Variants in SYN3 observed in about 807,000 individuals in gnomAD.
The protein encoded by SYN3 is synapsin III.
SYN3 carries 35 observed loss-of-function variants against 65.8 expected under a neutral mutation model. The ratio of observed to expected loss-of-function variants is 0.53; its 90% confidence interval spans 0.41 to 0.70. SYN3 has a LOEUF of 0.70. Ranked by LOEUF, SYN3 falls within the 30% of genes least tolerant of loss-of-function variation. The pLI is 0.00. For missense variants in SYN3, 680 were observed against 749.0 expected (o/e 0.91, Z 1.08); for synonymous variants, 270 against 292.9 (o/e 0.92, Z 0.80).
chr22:32,799,215 G>A (rs1410606555), intron 6 of SYN3, among the ~76,000 whole-genome samples: 1 of 152,080 alleles, frequency 6.6e-6, no homozygotes, highest in Non-Finnish European at 1.5e-5. Context: ...GCCTTCACAC[G>A]GTGGGCAGAG....
intron 6 of SYN3, among the ~76,000 whole-genome samples, chr22:32,772,975 T>C (rs1163160892): frequency 1.3e-5 from 2 of 152,196 alleles, no homozygotes; most frequent in Non-Finnish European, 1.5e-5. Context: ...GCAAGCTAGA[T>C]AGTAAATATC....
At chr22:33,032,995 C>T (rs2053781300) in intron 1 of SYN3, among the ~76,000 whole-genome samples, 1 of 152,094 alleles carries the variant, frequency 6.6e-6, no homozygotes, top group Non-Finnish European at 1.5e-5. Flanking sequence ...GCCTAGGTCA[C>T]CCATGTGTGC....
At chr22:32,533,733 T>TC in intron 10 of SYN3, 60 bp downstream of exon 10, 1 of 1,206,106 alleles carries the variant, frequency 8.3e-7, no homozygotes, top group Non-Finnish European at 1.2e-6. Flanking sequence ...AGGGATTCCC[T>TC]CCCCCTGGCA....
intron 6 of SYN3, among the ~76,000 whole-genome samples, chr22:32,845,078 T>C (rs1279522632): frequency 6.6e-6 from 1 of 152,016 alleles, no homozygotes; most frequent in Non-Finnish European, 1.5e-5. Flanking sequence ...CAGATTCTCT[T>C]CCTAAGAGCA....
chr22:32,949,262 G>T lies in SYN3; in HGVS notation c.370-17781C>A, dbSNP rs145865178. ...ACCCTTATATCTTTTTAAAAAATTA[G>T]CCAGGCATGGTGGTGTGCACCTGTA... On this transcript the variant is annotated intron_variant, in intron 3 of 13. Coordinates refer to ENST00000358763, the MANE Select transcript of SYN3 (RefSeq NM_003490.4). Among the ~76,000 whole-genome samples, 20 of 152,128 alleles carry T rather than the reference G, an allele frequency of 1.3e-4. No homozygotes were observed. The East Asian group carries it at 3.9e-3, about 30-fold the overall frequency.
chr22:32,730,033 A>C (rs767089299), intron 6 of SYN3, among the ~76,000 whole-genome samples: 3 of 152,222 alleles, frequency 2.0e-5, no homozygotes, highest in Non-Finnish European at 1.5e-5. Flanking sequence ...ATAAAGGCTT[A>C]GATTTTCATG....
intron 6 of SYN3, among the ~76,000 whole-genome samples, chr22:32,664,700 C>A (rs113945580): frequency 2.0e-5 from 3 of 147,666 alleles, no homozygotes; most frequent in Non-Finnish European, 4.5e-5. Context: ...ATGCCATTCT[C>A]CTGCCTCAGC....
chr22:32,561,956 G>A (rs974941938), intron 7 of SYN3, among the ~76,000 whole-genome samples: 2 of 152,142 alleles, frequency 1.3e-5, no homozygotes, highest in Non-Finnish European at 2.9e-5. Flanking sequence ...ATTTGATTTT[G>A]CAAATTCCTT....
chr22:32,726,346 T>G (rs550884847), intron 6 of SYN3, among the ~76,000 whole-genome samples: 1 of 152,314 alleles, frequency 6.6e-6, no homozygotes, highest in African/African-American at 2.4e-5. Flanking sequence ...TTTCACCATG[T>G]TGGCCAGGAT....
rs2146037348 is a variant in SYN3 at position 32,512,547 on chromosome 22, A to T, written c.*1145T>A. 1 of 152,376 alleles carries T rather than the reference A, an allele frequency of 6.6e-6. No homozygotes were observed. Among genetic ancestry groups the T allele is most frequent in the South Asian group, 2.1e-4 (1 of 4,828 alleles). 9.4% of individuals were successfully genotyped at this position (152,376 alleles called of 1,614,324 possible). ...TGCAACTAACTTATTGAGTCAAATC[A>T]TCAGTTTGGATTTAACAAAGCTGAT... On this transcript the variant is annotated 3_prime_UTR_variant, in exon 14 of 14. Transcript: ENST00000358763.
chr22:32,887,342 C>T (rs562596945), intron 4 of SYN3, among the ~76,000 whole-genome samples: 30 of 151,858 alleles, frequency 2.0e-4, no homozygotes, highest in African/African-American at 7.3e-4. Flanking sequence ...CACTCCACTG[C>T]ACTTCAGCCT....
chr22:32,681,979 C>T (rs1248215106), intron 6 of SYN3, among the ~76,000 whole-genome samples: 1 of 81,744 alleles, frequency 1.2e-5, no homozygotes, highest in Non-Finnish European at 3.5e-5. Flanking sequence ...TGAGCCGAGA[C>T]TTAGCAGAGG....
chr22:32,859,377 A>AGC (rs756613860), intron 6 of SYN3: 1 of 1,608,354 alleles, frequency 6.2e-7, no homozygotes, highest in Non-Finnish European at 8.5e-7. Flanking sequence ...CAGACCCCTG[A>AGC]GCGCCAGACC....
intron 6 of SYN3, among the ~76,000 whole-genome samples, chr22:32,838,874 G>A (rs1363382469): frequency 6.6e-6 from 1 of 151,858 alleles, no homozygotes; most frequent in Non-Finnish European, 1.5e-5. Flanking sequence ...TGGAGTCCCA[G>A]ATGCAGTCCC....
In SYN3 at chr22:32,917,908, C is replaced by A. The variant is rs966429445; in HGVS notation, c.461+13482G>T. 1.9e-4 allele frequency among the ~76,000 whole-genome samples: 29 copies of A among 152,226 alleles called. 1 individual carries two copies. Among genetic ancestry groups the A allele is most frequent in the African/African-American group, 7.0e-4 (29 of 41,450 alleles). ...TGCAAGTCCCCAGGGATCCTGCTTT[C>A]TCCGGCAGTGGCAAGGGCAGAGGCC... On this transcript the variant is annotated intron_variant, in intron 4 of 13. Transcript: ENST00000358763.
At chr22:32,581,167 T>G (rs1449735406) in intron 7 of SYN3, among the ~76,000 whole-genome samples, 3 of 152,218 alleles carry the variant, frequency 2.0e-5, no homozygotes, top group Admixed American at 1.3e-4. Context: ...TGGAGTGCAG[T>G]GGTGCAATCT....
At chr22:32,634,560 G>A (rs1041445392) in intron 6 of SYN3, among the ~76,000 whole-genome samples, 3 of 152,150 alleles carry the variant, frequency 2.0e-5, no homozygotes, top group African/African-American at 7.2e-5. Context: ...TAGACAGCTC[G>A]GCACCACCTC....
chr22:33,006,756 A>C lies in SYN3; in HGVS notation c.-94T>G. 7.5e-7 allele frequency: 1 copy of C among 1,330,636 alleles called. No homozygotes were observed. The highest frequency in any genetic ancestry group is 1.0e-6 in the Non-Finnish European group (1 of 974,156). The allele number at this position is 1,330,636 out of a possible 1,614,324, so 82.4% of individuals were successfully genotyped here. ...GCTGCCAGGTACAGGGAGTGGTAGGACTTTAGCCAGAAGAGCCAGGGGGAT... is the reference window on the plus strand; with the variant it reads ...GCTGCCAGGTACAGGGAGTGGTAGGCCTTTAGCCAGAAGAGCCAGGGGGAT... On this transcript the variant is annotated 5_prime_UTR_variant, in exon 2 of 14. Transcript: ENST00000358763.
Position 32,948,597 on chromosome 22 carries a change from C to T in SYN3, c.370-17116G>A, listed in dbSNP as rs376126181. Among the ~76,000 whole-genome samples the T allele has an allele frequency of 1.4e-4, 22 of 152,012 alleles. 1 individual carries two copies. In the South Asian group the frequency reaches 3.3e-3, roughly 23 times the overall value. ...TAAAAATACAAAAAAATTAGCCGGGCGTGGTGGCGGGTGCCTGTAGTCTCA... is the reference window on the plus strand; with the variant it reads ...TAAAAATACAAAAAAATTAGCCGGGTGTGGTGGCGGGTGCCTGTAGTCTCA... On this transcript the variant is annotated intron_variant, in intron 3 of 13. Transcript: ENST00000358763.
Sources: gnomAD v4.1 joint callset for allele counts (sites outside exome capture counted in the v4.1 genomes callset) on GRCh38, gnomAD v4.1.1 for gene constraint, MANE v1.5 for transcripts, NCBI Gene and HGNC (gene_info 2026-07-23, HGNC 2026-07-21) for gene names.